UBXN6: variants seen among roughly 807,000 people sequenced by gnomAD.
UBXN6 encodes UBX domain protein 6.
Under a neutral mutation model 51.4 loss-of-function variants are expected in UBXN6, and 44 were observed. That is an observed-to-expected ratio of 0.86 (90% CI 0.67 to 1.10). UBXN6 has a LOEUF of 1.10. Among genes scored for constraint, UBXN6 ranks in the 50% least tolerant of loss-of-function variants. The probability of loss-of-function intolerance (pLI) is 0.00; values close to 1 mark genes in which losing one functional copy is unlikely to be tolerated. For synonymous variants in UBXN6, 316 were observed against 263.2 expected (o/e 1.20, Z -1.94); for missense variants, 672 against 596.1 (o/e 1.13, Z -1.32).
At chr19:4,448,744 G>A (rs1974594890) in intron 4 of UBXN6, 2 of 326,878 alleles carry the variant, frequency 6.1e-6, no homozygotes, top group Non-Finnish European at 1.2e-5. Flanking sequence ...TCAGTGCTGA[G>A]ATCCATCAAG....
intron 3 of UBXN6, 71 bp from the exon 4 acceptor site, chr19:4,452,563 T>G: frequency 1.3e-6 from 2 of 1,528,436 alleles, no homozygotes; most frequent in Non-Finnish European, 1.8e-6. Flanking sequence ...AGCACCACAG[T>G]CCTGAGTGTG....
At chr19:4,456,638 C>T (rs772240209) in intron 1 of UBXN6, among the ~76,000 whole-genome samples, 2 of 152,138 alleles carry the variant, frequency 1.3e-5, no homozygotes, top group Non-Finnish European at 2.9e-5. Context: ...GCCCTCCCAG[C>T]TGGCTCAGCC....
chr19:4,445,860 C>A, intron 10 of UBXN6, 189 bp downstream of exon 10: 1 of 1,069,860 alleles, frequency 9.3e-7, no homozygotes, highest in Non-Finnish European at 1.3e-6. Context: ...GAAACTGAGG[C>A]GTGGAGTAGT....
chr19:4,453,437 G>A, intron 3 of UBXN6, 21 bp downstream of exon 3: 4 of 1,611,558 alleles, frequency 2.5e-6, no homozygotes, highest in Non-Finnish European at 3.4e-6. Context: ...ATGGGACAGT[G>A]CCACCAGTGG....
At chr19:4,447,750 C>T (rs2145173960) in intron 5 of UBXN6, 125 bp from the exon 6 acceptor site, 1 of 958,876 alleles carries the variant, frequency 1.0e-6, no homozygotes, top group Non-Finnish European at 1.7e-6. Flanking sequence ...AAGAAGCGGC[C>T]CAGTGACGCG....
chr19:4,454,105 C>G lies in UBXN6; in HGVS notation c.84-12G>C. 1 of 1,525,004 alleles carries G rather than the reference C, an allele frequency of 6.6e-7. No individual in the cohort carries two copies. Among genetic ancestry groups the G allele is most frequent in the Non-Finnish European group, 8.8e-7 (1 of 1,141,658 alleles). The allele number at this position is 1,525,004 out of a possible 1,614,324, so 94.5% of individuals were successfully genotyped here. ...TGTGGGCCTTTTCCCTGGGAACAGA[C>G]CGAGGGAGAGTGAGTGTATCCTCCC... On this transcript the variant is annotated splice_polypyrimidine_tract_variant and intron_variant, in intron 1 of 10. Coordinates refer to ENST00000301281, the MANE Select transcript of UBXN6 (RefSeq NM_025241.3).
intron 2 of UBXN6, 58 bp from the exon 3 acceptor site, chr19:4,453,580 T>C: frequency 6.3e-7 from 1 of 1,585,660 alleles, no homozygotes. Context: ...GCCGCTGTCC[T>C]GGCCCAAGCC....
intron 1 of UBXN6, among the ~76,000 whole-genome samples, chr19:4,457,116 T>C (rs1210971865): frequency 6.6e-6 from 1 of 151,812 alleles, no homozygotes; most frequent in African/African-American, 2.4e-5. Context: ...TCAGCTCCCA[T>C]CCATGGTCAC....
rs780500807 is a variant in UBXN6, at chr19:4,457,629, G to C, written c.69C>G (p.Leu23=). ...KFKSAGPGQK[L]KESVGEKAHK... ...TCCTCACGCACCCCACGGACTCTTT[G>C]AGCTTCTGACCGGGTCCCGCGCTCT... The change falls in exon 1 of 11, where the codon CTC becomes CTG. Residue 23 remains leucine, a synonymous_variant. Transcript: ENST00000301281. 1 of 1,598,806 alleles carries C rather than the reference G, an allele frequency of 6.3e-7. No individual in the cohort carries two copies. The highest frequency in any genetic ancestry group is 8.5e-7 in the Non-Finnish European group (1 of 1,173,964).
rs1974584894 is a variant in UBXN6, at chr19:4,448,395, C to T, written c.462G>A (p.Val154=). ...AILLHFSTDP[V]AASIMKIYTF... is the part of the protein sequence containing the mutation. Reference sequence around the variant, plus strand: ...TGTAGATCTTCATGATGGAGGCGGCCACTGGGTCGGTGGAGAAGTGCTGGG... The same window carrying T: ...TGTAGATCTTCATGATGGAGGCGGCTACTGGGTCGGTGGAGAAGTGCTGGG... Residue 154 remains valine, a synonymous_variant, in exon 5 of 11, where the codon GTG becomes GTA. Coordinates refer to ENST00000301281, the MANE Select transcript of UBXN6 (RefSeq NM_025241.3). 3 of 1,585,448 alleles carry T rather than the reference C, an allele frequency of 1.9e-6. No homozygotes were observed. The highest frequency in any genetic ancestry group is 2.3e-5 in the East Asian group (1 of 43,716).
At chr19:4,448,779 C>T (rs538879430) in intron 4 of UBXN6, 5 of 256,554 alleles carry the variant, frequency 1.9e-5, no homozygotes, top group South Asian at 9.4e-5. Context: ...CAGAACCTCC[C>T]GCCACCATGG....
At position 4,446,144 on chromosome 19, in the gene UBXN6, C is replaced by A. The variant is rs747763788; in HGVS notation, c.1105G>T (p.Ala369Ser). 1.2e-6 allele frequency: 2 copies of A among 1,611,586 alleles called. No individual in the cohort carries two copies. The highest frequency in any genetic ancestry group is 2.7e-5 in the African/African-American group (2 of 74,926). The change falls in exon 10 of 11, where the codon GCC becomes TCC. Residue 369 changes from alanine (A) to serine (S), a missense_variant. Physicochemically the swap from Ala to Ser is moderately conservative, Grantham distance 99. Coordinates refer to ENST00000301281, the MANE Select transcript of UBXN6 (RefSeq NM_025241.3). The stretch of plus-strand genomic sequence containing the variant: ...AAAGGCAGCCAGTCGCTCTGCAGGG[C>A]CTCCCGGACGAACCCGTACACCGCC... ...LGAVYGFVRE[A>S]LQSDWLPFEL...
chr19:4,445,022 G>A lies in UBXN6; in HGVS notation c.*476C>T, dbSNP rs953332860. ...CCAAGAAACTATATTCAAACAACCTGTTTATTTGGGCTTATGATTTACTAA... is the reference window on the plus strand; with the variant it reads ...CCAAGAAACTATATTCAAACAACCTATTTATTTGGGCTTATGATTTACTAA... On this transcript the variant is annotated 3_prime_UTR_variant, in exon 11 of 11. Transcript: ENST00000301281. 1.2e-5 allele frequency: 2 copies of A among 161,738 alleles called. No individual in the cohort carries two copies. The highest frequency in any genetic ancestry group is 4.8e-5 in the African/African-American group (2 of 41,556). The allele number at this position is 161,738 out of a possible 1,614,324, so 10.0% of individuals were successfully genotyped here. A position where few individuals can be genotyped will look rare whatever the true frequency, so the allele number is the denominator to read the frequency against.
At chr19:4,447,392 C>T (rs2145172504) in intron 6 of UBXN6, 158 bp downstream of exon 6, 1 of 731,594 alleles carries the variant, frequency 1.4e-6, no homozygotes, top group Non-Finnish European at 2.3e-6. Flanking sequence ...TCCATCTTGT[C>T]CTGCTACCTT....
rs187138254 is a variant in UBXN6 at position 4,456,114 on chromosome 19, T to C, written c.83+1501A>G. Among the ~76,000 whole-genome samples, 385 of 149,452 alleles carry C rather than the reference T, an allele frequency of 2.6e-3. 3 individuals carry two copies. The highest frequency in any genetic ancestry group is 9.0e-3 in the African/African-American group (362 of 40,430). On this transcript the variant is annotated intron_variant, in intron 1 of 10. Coordinates refer to ENST00000301281, the MANE Select transcript of UBXN6 (RefSeq NM_025241.3). ...CTCCGCACCGCTTCCTTTCCCAACC[T>C]TCCCCTCCAACCTTCCCCTCTCCGC...
intron 6 of UBXN6, chr19:4,447,123 A>G (rs1219460247): frequency 3.3e-6 from 2 of 607,246 alleles, no homozygotes; most frequent in African/African-American, 1.9e-5. Flanking sequence ...AGCTCTGCAC[A>G]GAGGAAAGAG....
At position 4,446,751 on chromosome 19, in the gene UBXN6, GCAAT is replaced by G. The variant is rs770930389; in HGVS notation, c.701-36_701-33del. ...CGTGGCAGGACATGGGTGTCACTGT[GCAAT>G]GGAGAGACCCCCAAGCCGGGCCCTC... is the stretch of plus-strand genomic sequence containing the variant. On this transcript the variant is annotated intron_variant, in intron 7 of 10. Coordinates refer to ENST00000301281, the MANE Select transcript of UBXN6 (RefSeq NM_025241.3). 109 of 1,611,306 alleles carry G rather than the reference GCAAT, an allele frequency of 6.8e-5. No homozygotes were observed. The African/African-American group carries it at 1.3e-3, about 20-fold the overall frequency.
At position 4,455,268 on chromosome 19, in the gene UBXN6, G is replaced by A. The variant is rs550133938; in HGVS notation, c.84-1175C>T. 1.4e-5 allele frequency: 14 copies of A among 985,438 alleles called. No homozygotes were observed. The East Asian group carries it at 1.5e-3, about 104-fold the overall frequency. The allele number at this position is 985,438 out of a possible 1,614,324, so 61.0% of individuals were successfully genotyped here. A position where few individuals can be genotyped will look rare whatever the true frequency, so the allele number is the denominator to read the frequency against. On this transcript the variant is annotated intron_variant, in intron 1 of 10. Coordinates refer to ENST00000301281, the MANE Select transcript of UBXN6 (RefSeq NM_025241.3). ...GTAGGTCTATTAAAACCTTCTGGGA[G>A]GCCAGGCTCTCAGTTCAAGCCCTAT...
chr19:4,448,947 G>GA (rs1011842323), intron 4 of UBXN6: 1 of 155,416 alleles, frequency 6.4e-6, no homozygotes, highest in African/African-American at 2.4e-5. Flanking sequence ...CTCAATGTCT[G>GA]AAACTCAATA....
Sources: allele counts gnomAD v4.1 joint callset (sites outside exome capture counted in the v4.1 genomes callset), GRCh38; gene constraint gnomAD v4.1.1; transcripts MANE v1.5; gene names NCBI Gene and HGNC (gene_info 2026-07-23, HGNC 2026-07-21).